Variants in NPHP4 observed in about 807,000 individuals in gnomAD.
NPHP4 encodes the protein nephrocystin 4.
In NPHP4, 151 loss-of-function variants were observed where a neutral mutation model predicts 155.8. That is an observed-to-expected ratio of 0.97 (90% CI 0.85 to 1.11). The LOEUF (loss-of-function observed/expected upper bound fraction) is 1.11, where lower values mean the gene tolerates loss of function less well. Among genes scored for constraint, NPHP4 ranks in the 50% least tolerant of loss-of-function variants. The pLI is 0.00. For synonymous variants in NPHP4, 845 were observed against 816.8 expected, an observed-to-expected ratio of 1.03 and a Z score of -0.59; for missense variants, 1,956 against 1,925.7, an observed-to-expected ratio of 1.02 and a Z score of -0.29.
At chr1:5,901,586 C>T (rs1401297224) in intron 16 of NPHP4, among the ~76,000 whole-genome samples, 1 of 152,224 alleles carries the variant, frequency 6.6e-6, no homozygotes, top group Admixed American at 6.5e-5. Context: ...TTTAATTCCT[C>T]TCTGGGAAAT....
intron 11 of NPHP4, among the ~76,000 whole-genome samples, chr1:5,924,053 C>CCAGA: frequency 6.6e-6 from 1 of 152,136 alleles, no homozygotes; most frequent in South Asian, 2.1e-4. Context: ...TAAAACAAGC[C>CCAGA]CAGACGAACT....
intron 13 of NPHP4, among the ~76,000 whole-genome samples, 195 bp downstream of exon 13, chr1:5,906,920 T>G (rs186249707): frequency 2.6e-5 from 4 of 152,330 alleles, no homozygotes; most frequent in Admixed American, 2.6e-4. Context: ...ACATTCTTCT[T>G]TGGTCTCCAA....
intron 23 of NPHP4, among the ~76,000 whole-genome samples, chr1:5,869,458 T>C (rs1415683701): frequency 6.6e-6 from 1 of 152,212 alleles, no homozygotes; most frequent in East Asian, 1.9e-4. Flanking sequence ...TCCAAATATA[T>C]CTTGCTTTAT....
At position 5,905,619 on chromosome 1, in the gene NPHP4, AC is replaced by A; in HGVS notation, c.1763+12del. 1 of 1,613,712 alleles carries A rather than the reference AC, an allele frequency of 6.2e-7. No homozygotes were observed. The highest frequency in any genetic ancestry group is 1.1e-5 in the South Asian group (1 of 91,022). ...ACGTGACTGGTTCCATCCCACCCAGACCCACACCTCACCTCCTGGTCTGGGT... is the reference window on the plus strand; with the variant it reads ...ACGTGACTGGTTCCATCCCACCCAGACCACACCTCACCTCCTGGTCTGGGT... On this transcript the variant is annotated intron_variant, in intron 14 of 29. Coordinates refer to ENST00000378156, the MANE Select transcript of NPHP4 (RefSeq NM_015102.5). This position sits in a 1 kb window ranked among gnomAD's most constrained non-coding sequence, Gnocchi z 4.0.
At chr1:5,903,264 G>A (rs548579727) in intron 16 of NPHP4, among the ~76,000 whole-genome samples, 1 of 152,292 alleles carries the variant, frequency 6.6e-6, no homozygotes, top group African/African-American at 2.4e-5. Context: ...GGCTACGTAT[G>A]TTAGAAGATC....
intron 16 of NPHP4, among the ~76,000 whole-genome samples, chr1:5,896,224 C>A (rs1644389155): frequency 6.6e-6 from 1 of 152,152 alleles, no homozygotes; most frequent in African/African-American, 2.4e-5. Flanking sequence ...AGCAGGGAGG[C>A]CCGAGCACAC....
At chr1:5,891,078 A>G (rs1644101760) in intron 16 of NPHP4, 50 bp from the exon 17 acceptor site, 2 of 1,350,152 alleles carry the variant, frequency 1.5e-6, no homozygotes, top group African/African-American at 1.5e-5. Flanking sequence ...GTCATTCATC[A>G]TCTTTACACT....
chr1:5,931,372 T>C (rs1481847183), intron 10 of NPHP4, among the ~76,000 whole-genome samples: 1 of 150,226 alleles, frequency 6.7e-6, no homozygotes, highest in Non-Finnish European at 1.5e-5. Flanking sequence ...TACTATACTG[T>C]AGTCAATAGG....
At chr1:5,927,561 C>T in intron 11 of NPHP4, 88 bp downstream of exon 11, 1 of 1,329,768 alleles carries the variant, frequency 7.5e-7, no homozygotes. Context: ...GTGGTGATTA[C>T]CGTACTAGAC....
In NPHP4 at chr1:5,953,930, T is replaced by C. The variant is rs367687494; in HGVS notation, c.674-1094A>G. On this transcript the variant is annotated intron_variant, in intron 6 of 29. Coordinates refer to ENST00000378156, the MANE Select transcript of NPHP4 (RefSeq NM_015102.5). Reference sequence around the variant, plus strand: ...TTTAATGATCTTTTACTTATGTAGATATGTAGATTTTTAAAAGCTAATTTC... The same window carrying C: ...TTTAATGATCTTTTACTTATGTAGACATGTAGATTTTTAAAAGCTAATTTC... Among the ~76,000 whole-genome samples, 43 of 152,290 alleles carry C rather than the reference T, an allele frequency of 2.8e-4. 2 individuals are homozygous for C. The South Asian group carries it at 7.5e-3, about 26-fold the overall frequency.
intron 3 of NPHP4, among the ~76,000 whole-genome samples, chr1:5,971,000 C>T (rs1652461535): frequency 6.6e-6 from 1 of 152,192 alleles, no homozygotes; most frequent in Admixed American, 6.5e-5. Context: ...ACTGCAAAGT[C>T]GAGTTGGTCA....
chr1:5,947,178 C>T lies in NPHP4; in HGVS notation c.1045G>A (p.Val349Ile), dbSNP rs572460781. ...LRSRLRLPEMVGHPAFAVIFQ... is the reference protein window; with the variant it reads ...LRSRLRLPEMIGHPAFAVIFQ... ...ATGACCGCAAATGCAGGGTGGCCGA[C>T]CATCTCTGGGAGGCGGAGGCGGCTT... Residue 349 changes from valine (V) to isoleucine (I), a missense_variant, in exon 9 of 30, where the codon GTC becomes ATC. Coordinates refer to ENST00000378156, the MANE Select transcript of NPHP4 (RefSeq NM_015102.5). The T allele has an allele frequency of 6.2e-6, 10 of 1,613,962 alleles. No homozygotes were observed. The South Asian group carries it at 6.6e-5, about 11-fold the overall frequency.
rs1652535637 is a variant in NPHP4 at position 5,971,386 on chromosome 1, G to A, written c.280-2127C>T. Reference sequence around the variant, plus strand: ...GCAGCATGTTTGAAAAGTTCAGATGGTTGTACCAGTACAATTACTGATTGA... The same window carrying A: ...GCAGCATGTTTGAAAAGTTCAGATGATTGTACCAGTACAATTACTGATTGA... On this transcript the variant is annotated intron_variant, in intron 3 of 29. Coordinates refer to ENST00000378156, the MANE Select transcript of NPHP4 (RefSeq NM_015102.5). 2.0e-5 allele frequency among the ~76,000 whole-genome samples: 3 copies of A among 152,210 alleles called. No individual in the cohort carries two copies. The South Asian group carries it at 6.2e-4, about 32-fold the overall frequency.
chr1:5,956,504 C>T (rs1435495218), intron 6 of NPHP4, among the ~76,000 whole-genome samples: 1 of 152,196 alleles, frequency 6.6e-6, no homozygotes, highest in Admixed American at 6.5e-5. Flanking sequence ...GCCAGAGAAG[C>T]CTGGGTATCC....
intron 18 of NPHP4, among the ~76,000 whole-genome samples, chr1:5,883,823 A>G (rs1056935175): frequency 6.6e-6 from 1 of 152,172 alleles, no homozygotes; most frequent in African/African-American, 2.4e-5. Context: ...TGTACTATGC[A>G]CCACCCTGAG....
rs759294417 is a variant in NPHP4 at position 5,904,599 on chromosome 1, A to C, written c.2143+18T>G. On this transcript the variant is annotated intron_variant, in intron 16 of 29. Transcript: ENST00000378156. ...CAGTACAGAATGTCTTGCCTTTGCCATGCACATGAGTACTCACCAGCATCA... is the reference window on the plus strand; with the variant it reads ...CAGTACAGAATGTCTTGCCTTTGCCCTGCACATGAGTACTCACCAGCATCA... 8.2e-6 allele frequency: 13 copies of C among 1,576,738 alleles called. No homozygotes were observed. Among genetic ancestry groups the C allele is most frequent in the Non-Finnish European group, 1.1e-5 (13 of 1,155,074 alleles).
Position 5,867,766 on chromosome 1 carries a change from C to A in NPHP4, c.3446G>T (p.Arg1149Leu). 1.2e-6 allele frequency: 2 copies of A among 1,611,274 alleles called. No individual in the cohort carries two copies. Among genetic ancestry groups the A allele is most frequent in the Non-Finnish European group, 1.7e-6 (2 of 1,179,850 alleles). Residue 1149 changes from arginine to leucine, a missense_variant, in exon 24 of 30, where the codon CGC (arginine) becomes CTC (leucine). Coordinates refer to ENST00000378156, the MANE Select transcript of NPHP4 (RefSeq NM_015102.5). This position sits in a 1 kb window ranked among gnomAD's most constrained non-coding sequence, Gnocchi z 4.1. ...TGGAAATGTGTGCCAGGGCGGCAGG[C>A]GGATGGCCTTCTTCAGGAAGGAGAG... ...PELSFLKKAI[R>L]LPPWHTFPGA...
chr1:5,980,428 G>C (rs752560796), intron 2 of NPHP4, among the ~76,000 whole-genome samples: 7 of 152,226 alleles, frequency 4.6e-5, no homozygotes, highest in Non-Finnish European at 8.8e-5. Flanking sequence ...AGAGCGTTCA[G>C]GCAGGCCTCA....
At chr1:5,949,437 A>G (rs1647503714) in intron 7 of NPHP4, among the ~76,000 whole-genome samples, 1 of 151,516 alleles carries the variant, frequency 6.6e-6, no homozygotes, top group East Asian at 1.9e-4. Flanking sequence ...TAAATAGTAC[A>G]GCCCTCCTAT....
Sources: allele counts gnomAD v4.1 joint callset (sites outside exome capture counted in the v4.1 genomes callset), GRCh38; gene constraint gnomAD v4.1.1; non-coding constraint Gnocchi (gnomAD v3.1); transcripts MANE v1.5; gene names NCBI Gene and HGNC (gene_info 2026-07-23, HGNC 2026-07-21).